The following ZNF366 variants were observed in gnomAD, a reference collection of about 807,000 sequenced individuals.
The protein encoded by ZNF366 is zinc finger protein 366, also known as dendritic cell-specific transcript protein.
ZNF366 carries 20 observed loss-of-function variants against 47.2 expected under a neutral mutation model. The observed-to-expected ratio is 0.42, with a 90% CI of 0.30 to 0.62. The LOEUF (loss-of-function observed/expected upper bound fraction) is 0.62. Ranked by LOEUF, ZNF366 falls within the 20% of genes least tolerant of loss-of-function variation. The pLI is 0.16. For synonymous variants in ZNF366, 421 were observed against 395.1 expected (o/e 1.07, Z -0.78); for missense variants, 987 against 976.3 (o/e 1.01, Z -0.15).
chr5:72,497,695 C>T (rs1026019812), intron 1 of ZNF366, among the ~76,000 whole-genome samples: 1 of 152,096 alleles, frequency 6.6e-6, no homozygotes, highest in African/African-American at 2.4e-5. Context: ...TCACAAATTG[C>T]TGTCTGTAGA....
intron 1 of ZNF366, among the ~76,000 whole-genome samples, chr5:72,503,411 A>G (rs183080428): frequency 1.6e-3 from 237 of 152,294 alleles, no homozygotes; most frequent in African/African-American, 5.6e-3. Flanking sequence ...AAGACGGAGC[A>G]AGACACTGAC....
At position 72,444,186 on chromosome 5, in the gene ZNF366, G is replaced by A. The variant is rs576990982; in HGVS notation, c.1805C>T (p.Pro602Leu). ...ACTCTCCCCGTCTGACTGGAACACC[G>A]GCACCTTGGCCCGGCGCTTCTGAGA... is the stretch of plus-strand genomic sequence containing the variant. ...DLSQKRRAKV[P>L]VFQSDGESAQ... The change falls in exon 5 of 5, where the codon CCG (proline) becomes CTG (leucine). Residue 602 changes from proline (P) to leucine (L), a missense_variant. Physicochemically the swap from Pro to Leu is moderately conservative, Grantham distance 98. This residue lies in a region of ZNF366 where 285 missense variants were observed against 234.8 expected (regional missense o/e 1.21). Coordinates refer to ENST00000318442, the MANE Select transcript of ZNF366 (RefSeq NM_152625.3). The A allele has an allele frequency of 2.3e-5, 37 of 1,613,448 alleles. No individual in the cohort carries two copies. In the African/African-American group the frequency reaches 2.9e-4, roughly 13 times the overall value.
chr5:72,461,071 C>A lies in ZNF366; in HGVS notation c.426G>T (p.Leu142=), dbSNP rs576042398. The A allele has an allele frequency of 3.1e-6, 5 of 1,614,126 alleles. No individual in the cohort carries two copies. The African/African-American group carries it at 5.3e-5, about 17-fold the overall frequency. The stretch of plus-strand genomic sequence containing the variant: ...TGACGGGCTTGCCCCCAAAGTGTTC[C>A]AGGCTGCGGTAGAATTGGAAGCCCA... ...CNVGFQFYRS[L]EHFGGKPVKQ... is the part of the protein sequence containing the mutation. The change falls in exon 2 of 5, where the codon CTG becomes CTT. Residue 142 remains leucine (L), a synonymous_variant. Transcript: ENST00000318442.
chr5:72,462,599 G>T (rs1429247609), intron 1 of ZNF366, among the ~76,000 whole-genome samples: 3 of 137,968 alleles, frequency 2.2e-5, no homozygotes, highest in Admixed American at 7.5e-5. Context: ...AGGCTGAAGT[G>T]CAGTCCAGTG....
rs1743190722 is a variant in ZNF366, at chr5:72,456,591, A to G, written c.1337T>C (p.Val446Ala). ...LKQHSLTHKGVKEHKCGICGR... is the reference protein window; with the variant it reads ...LKQHSLTHKGAKEHKCGICGR... ...ACAAATCCCACACTTATGCTCCTTC[A>G]CACCCTGCAGGGAGGCAAGATTCAG... is the stretch of plus-strand genomic sequence containing the variant. Residue 446 changes from valine to alanine, a missense_variant, in exon 3 of 5, where the codon GTG (valine) becomes GCG (alanine). Transcript: ENST00000318442. 6.3e-7 allele frequency: 1 copy of G among 1,598,786 alleles called. No homozygotes were observed.
chr5:72,445,887 T>A (rs762908431), intron 4 of ZNF366, among the ~76,000 whole-genome samples: 1 of 152,238 alleles, frequency 6.6e-6, no homozygotes. Flanking sequence ...TTTTCAGGGC[T>A]TTTGCACAAA....
intron 1 of ZNF366, among the ~76,000 whole-genome samples, chr5:72,473,747 T>A (rs986087807): frequency 6.6e-6 from 1 of 152,202 alleles, no homozygotes; most frequent in Non-Finnish European, 1.5e-5. Context: ...TAAATGTATG[T>A]TTTCCCCCTA....
At chr5:72,491,281 C>T (rs1744003029) in intron 1 of ZNF366, among the ~76,000 whole-genome samples, 1 of 152,176 alleles carries the variant, frequency 6.6e-6, no homozygotes, top group Admixed American at 6.5e-5. Context: ...GGGAACCTGG[C>T]ACACAGTTTT....
At chr5:72,500,361 T>G (rs1206402596) in intron 1 of ZNF366, among the ~76,000 whole-genome samples, 1 of 152,188 alleles carries the variant, frequency 6.6e-6, no homozygotes, top group East Asian at 1.9e-4. Context: ...GGGGCTTCCT[T>G]ACCCTGAGCC....
At position 72,461,380 on chromosome 5, in the gene ZNF366, G is replaced by A. The variant is rs772474402; in HGVS notation, c.117C>T (p.Pro39=). 6.2e-7 allele frequency: 1 copy of A among 1,613,876 alleles called. No homozygotes were observed. The highest frequency in any genetic ancestry group is 8.5e-7 in the Non-Finnish European group (1 of 1,179,938). Residue 39 remains proline, a synonymous_variant, in exon 2 of 5, where the codon CCC becomes CCT. Transcript: ENST00000318442. ...GAGCTTCCGGGAAGGGGTGTCTTTG[G>A]GGAGCCTTTCCCCGAGAAGCCACTG... ...LQPVASRGKA[P]QRHPFPEALR...
chr5:72,461,467 G>C lies in ZNF366; in HGVS notation c.30C>G (p.Asp10Glu). The change falls in exon 2 of 5, where the codon GAC becomes GAG. Residue 10 changes from aspartate (D) to glutamate (E), a missense_variant. Asp to Glu is a conservative substitution (Grantham distance 45). Transcript: ENST00000318442. MQKEMKMIK[D>E]EDVHFDLAVK... is the part of the protein sequence containing the mutation. ...CAGCCAAGTCGAAATGCACATCCTC[G>C]TCTTTGATCATCTTCATTTCCTTCT... The C allele has an allele frequency of 6.4e-7, 1 of 1,573,534 alleles. No homozygotes were observed. Among genetic ancestry groups the C allele is most frequent in the Non-Finnish European group, 8.6e-7 (1 of 1,157,416 alleles).
In ZNF366 at chr5:72,444,032, C is replaced by T; in HGVS notation, c.1959G>A (p.Glu653=). Reference sequence around the variant, plus strand: ...CTTCCTCCAGCACCTCGGGGGCGTGCTCCGACTTGGTGGACAGATCCTCGG... The same window carrying T: ...CTTCCTCCAGCACCTCGGGGGCGTGTTCCGACTTGGTGGACAGATCCTCGG... ...CTPEDLSTKS[E]HAPEVLEEAC... is the part of the protein sequence containing the mutation. Residue 653 remains glutamate, a synonymous_variant, in exon 5 of 5, where the codon GAG becomes GAA. Coordinates refer to ENST00000318442, the MANE Select transcript of ZNF366 (RefSeq NM_152625.3). 1 of 1,614,210 alleles carries T rather than the reference C, an allele frequency of 6.2e-7. No homozygotes were observed. Among genetic ancestry groups the T allele is most frequent in the Non-Finnish European group, 8.5e-7 (1 of 1,180,026 alleles).
chr5:72,451,283 T>C (rs559009807), intron 3 of ZNF366, among the ~76,000 whole-genome samples: 24 of 152,338 alleles, frequency 1.6e-4, no homozygotes, highest in African/African-American at 5.8e-4. Context: ...TGACATGAAA[T>C]CTCAGCTTCT....
intron 3 of ZNF366, among the ~76,000 whole-genome samples, chr5:72,453,608 C>G (rs1402319961): frequency 1.3e-5 from 2 of 152,234 alleles, no homozygotes; most frequent in Non-Finnish European, 2.9e-5. Flanking sequence ...ACCATGTGAC[C>G]TGGAGCTAGT....
At chr5:72,482,943 T>C (rs1306632423) in intron 1 of ZNF366, among the ~76,000 whole-genome samples, 1 of 152,130 alleles carries the variant, frequency 6.6e-6, no homozygotes, top group Non-Finnish European at 1.5e-5. Flanking sequence ...ATTTGCACCG[T>C]ATGTTAGTAC....
At chr5:72,474,196 T>C (rs570281482) in intron 1 of ZNF366, among the ~76,000 whole-genome samples, 40 of 152,344 alleles carry the variant, frequency 2.6e-4, no homozygotes, top group African/African-American at 8.9e-4. Context: ...TCTATGTCTT[T>C]GGCCTCAAGA....
chr5:72,504,161 G>C (rs1222929587), intron 1 of ZNF366, among the ~76,000 whole-genome samples: 1 of 152,148 alleles, frequency 6.6e-6, no homozygotes, highest in Admixed American at 6.5e-5. Flanking sequence ...CTGTGTGAAG[G>C]TGAGTGGCTC....
intron 1 of ZNF366, among the ~76,000 whole-genome samples, chr5:72,498,095 G>A (rs563900410): frequency 4.6e-5 from 7 of 151,748 alleles, no homozygotes; most frequent in South Asian, 4.2e-4. Context: ...AGGCCTCTGC[G>A]TAAAACTAGA....
At position 72,442,436 on chromosome 5, in the gene ZNF366, T is replaced by C. The variant is rs890844052; in HGVS notation, c.*1320A>G. ...GGGTAAGGCCTTGGTTTGGTGGTTT[T>C]TTTTTAAAGGTCACCCCAGATGCTT... On this transcript the variant is annotated 3_prime_UTR_variant, in exon 5 of 5. Transcript: ENST00000318442. 6.6e-6 allele frequency: 1 copy of C among 152,180 alleles called. No homozygotes were observed. Among genetic ancestry groups the C allele is most frequent in the Non-Finnish European group, 1.5e-5 (1 of 68,038 alleles). The allele number at this position is 152,180 out of a possible 1,614,324, so 9.4% of individuals were successfully genotyped here.
Sources: gnomAD v4.1 joint callset for allele counts (sites outside exome capture counted in the v4.1 genomes callset) on GRCh38, gnomAD v4.1.1 for gene constraint, gnomAD v4.1.1 regional missense constraint, MANE v1.5 for transcripts, NCBI Gene and HGNC (gene_info 2026-07-23, HGNC 2026-07-21) for gene names.